Variants in GTPBP1 observed in about 807,000 individuals in gnomAD.
GTPBP1 encodes the protein GTP binding protein 1.
Under a neutral mutation model 62.0 loss-of-function variants are expected in GTPBP1, and 23 were observed. The observed-to-expected ratio is 0.37, with a 90% CI of 0.27 to 0.53. The LOEUF (loss-of-function observed/expected upper bound fraction) is 0.53. Among genes scored for constraint, GTPBP1 ranks in the 20% least tolerant of loss-of-function variants. The probability of loss-of-function intolerance (pLI) is 0.89; values close to 1 mark genes in which losing one functional copy is unlikely to be tolerated. For synonymous variants in GTPBP1, 344 were observed against 364.4 expected (o/e 0.94, Z 0.64); for missense variants, 640 against 917.3 (o/e 0.70, Z 3.90).
downstream of GTPBP1, chr22:38,740,014 G>C: frequency 6.6e-7 from 1 of 1,520,486 alleles, no homozygotes; most frequent in Non-Finnish European, 9.0e-7. The surrounding 1 kb of genome is among the most constrained non-coding windows in gnomAD (Gnocchi z 4.8). Flanking sequence ...GACAGGGCTA[G>C]TGCTTAGCTG....
In GTPBP1 at chr22:38,730,738, G is replaced by T. The variant is rs767636076; in HGVS notation, c.*34G>T. 12 of 1,221,494 alleles carry T rather than the reference G, an allele frequency of 9.8e-6. No individual in the cohort carries two copies. The highest frequency in any genetic ancestry group is 5.4e-5 in the South Asian group (4 of 73,724). The allele number at this position is 1,221,494 out of a possible 1,614,324, so 75.7% of individuals were successfully genotyped here. ...CTGGCCCACCCTCACCACCCAAGGG[G>T]TCATCATCTCTGGCCACCACTCCAC... is the stretch of plus-strand genomic sequence containing the variant. On this transcript the variant is annotated 3_prime_UTR_variant, in exon 12 of 12. Coordinates refer to ENST00000216044, the MANE Select transcript of GTPBP1 (RefSeq NM_004286.5). The surrounding 1 kb of genome is among the most constrained non-coding windows in gnomAD (Gnocchi z 5.6).
downstream of GTPBP1, chr22:38,739,978 C>A (rs761761956): frequency 1.9e-6 from 3 of 1,594,690 alleles, no homozygotes; most frequent in Non-Finnish European, 2.6e-6. The surrounding 1 kb of genome is among the most constrained non-coding windows in gnomAD (Gnocchi z 6.7). Context: ...CCCTGGGGGG[C>A]TTGCAGGGAC....
chr22:38,718,498 G>A (rs1892396356), intron 4 of GTPBP1, among the ~76,000 whole-genome samples: 1 of 152,152 alleles, frequency 6.6e-6, no homozygotes, highest in African/African-American at 2.4e-5. Flanking sequence ...CAGCCGTAGA[G>A]CACTCTCTTC....
chr22:38,708,049 G>T (rs1319475757), intron 1 of GTPBP1, among the ~76,000 whole-genome samples: 1 of 152,218 alleles, frequency 6.6e-6, no homozygotes, highest in Non-Finnish European at 1.5e-5. Flanking sequence ...CATTTATTGA[G>T]CTGTGGACTA....
At chr22:38,740,152 C>T (rs1294941952), downstream of GTPBP1, 14 of 1,371,352 alleles carry the variant, frequency 1.0e-5, no homozygotes, top group Non-Finnish European at 1.4e-5. The surrounding 1 kb of genome is among the most constrained non-coding windows in gnomAD (Gnocchi z 4.8). Flanking sequence ...ACGCCACAGT[C>T]TCTTGGGCAT....
Position 38,727,228 on chromosome 22 carries a change from A to G in GTPBP1, c.1417A>G (p.Ile473Val), listed in dbSNP as rs2092731485. Residue 473 changes from isoleucine (I) to valine (V), a missense_variant, in exon 9 of 12, where the codon ATC becomes GTC. Ile to Val is a conservative substitution (Grantham distance 29, BLOSUM62 3). Transcript: ENST00000216044. The surrounding 1 kb of genome is among the most constrained non-coding windows in gnomAD (Gnocchi z 6.5). ...TTTCTTTCAGATCAAGCGCTCGTCCATCCGGAAGGGCATGGTGATGGTTTC... is the reference window on the plus strand; with the variant it reads ...TTTCTTTCAGATCAAGCGCTCGTCCGTCCGGAAGGGCATGGTGATGGTTTC... ...FALKKIKRSS[I>V]RKGMVMVSPR... The G allele has an allele frequency of 1.3e-6, 2 of 1,593,956 alleles. No individual in the cohort carries two copies. Among genetic ancestry groups the G allele is most frequent in the East Asian group, 2.4e-5 (1 of 42,542 alleles).
rs376086055 is a variant in GTPBP1 at position 38,724,353 on chromosome 22, G to A, written c.1015G>A (p.Val339Met). ...GTCACCAGGCTGCCGGAAGATCCCC[G>A]TGCTGGTGCAGAGCAAAGATGATGT... ...LKSPGCRKIP[V>M]LVQSKDDVIV... Residue 339 changes from valine (V) to methionine (M), a missense_variant, in exon 6 of 12, where the codon GTG becomes ATG. Around this residue, in one of 4 missense-constraint regions of GTPBP1, gnomAD observed 220 missense variants for 358.1 expected, o/e 0.61. Coordinates refer to ENST00000216044, the MANE Select transcript of GTPBP1 (RefSeq NM_004286.5). The A allele has an allele frequency of 3.0e-5, 49 of 1,613,610 alleles. No individual in the cohort carries two copies. Among genetic ancestry groups the A allele is most frequent in the Admixed American group, 1.8e-4 (11 of 59,990 alleles).
At chr22:38,738,367 G>T, downstream of GTPBP1, 1 of 1,183,424 alleles carries the variant, frequency 8.5e-7, no homozygotes, top group Non-Finnish European at 1.2e-6. The surrounding 1 kb of genome is among the most constrained non-coding windows in gnomAD (Gnocchi z 6.6). Flanking sequence ...AGGCACCAGA[G>T]TGGCCTATGA....
chr22:38,723,186 G>A (rs1339855478), intron 5 of GTPBP1: 9 of 897,036 alleles, frequency 1.0e-5, no homozygotes, highest in African/African-American at 4.9e-5. Context: ...GTAGGACCAC[G>A]AAGGTGAAAT....
chr22:38,738,455 C>A (rs1395996238), downstream of GTPBP1: 5 of 1,306,630 alleles, frequency 3.8e-6, no homozygotes, highest in Admixed American at 1.0e-4. This position sits in a 1 kb window ranked among gnomAD's most constrained non-coding sequence, Gnocchi z 6.6. Flanking sequence ...CTGTCTCCCA[C>A]CCTAGCTCCT....
intron 5 of GTPBP1, chr22:38,723,188 A>G: frequency 1.1e-6 from 1 of 925,462 alleles, no homozygotes; most frequent in Non-Finnish European, 1.8e-6. Context: ...AGGACCACGA[A>G]GGTGAAATCC....
intron 6 of GTPBP1, chr22:38,725,061 C>G (rs1396496659): frequency 6.6e-6 from 1 of 152,532 alleles, no homozygotes; most frequent in Non-Finnish European, 1.5e-5. Context: ...TTGCCCAGAG[C>G]TTGGTCTATA....
intron 5 of GTPBP1, chr22:38,723,262 C>T: frequency 1.0e-6 from 1 of 994,796 alleles, no homozygotes; most frequent in Non-Finnish European, 1.6e-6. Context: ...GGTCTTTGAA[C>T]TCTCCATTGA....
chr22:38,741,075 C>A, downstream of GTPBP1: 1 of 1,585,718 alleles, frequency 6.3e-7, no homozygotes, highest in Non-Finnish European at 8.6e-7. Context: ...GGGACAAATA[C>A]AAGAAATACT....
chr22:38,742,530 A>G (rs757445240), downstream of GTPBP1: 2 of 1,612,828 alleles, frequency 1.2e-6, no homozygotes, highest in South Asian at 1.1e-5. Flanking sequence ...CAGAGAGTGT[A>G]CCCGGGACAT....
At chr22:38,724,456 C>A (rs2092716666) in intron 6 of GTPBP1, 45 bp downstream of exon 6, 1 of 1,128,188 alleles carries the variant, frequency 8.9e-7, no homozygotes, top group Non-Finnish European at 1.4e-6. Flanking sequence ...CCCTTGCAGG[C>A]AGGACCACAG....
At chr22:38,723,928 T>C (rs2092713843) in intron 5 of GTPBP1, among the ~76,000 whole-genome samples, 1 of 152,126 alleles carries the variant, frequency 6.6e-6, no homozygotes, top group South Asian at 2.1e-4. Context: ...AGAGATCCTT[T>C]TTGTTGGATG....
In GTPBP1 at chr22:38,729,443, C is replaced by G. The variant is rs951052486; in HGVS notation, c.1717-19C>G. The G allele has an allele frequency of 6.4e-7, 1 of 1,573,070 alleles. No individual in the cohort carries two copies. Among genetic ancestry groups the G allele is most frequent in the Non-Finnish European group, 8.6e-7 (1 of 1,158,222 alleles). ...TGCCCCGCAGCTCCAGCCTCAGCCT[C>G]TCTCCATGGCTCCCACAGCTCCTCC... is the stretch of plus-strand genomic sequence containing the variant. On this transcript the variant is annotated intron_variant, in intron 10 of 11. Coordinates refer to ENST00000216044, the MANE Select transcript of GTPBP1 (RefSeq NM_004286.5).
chr22:38,712,238 G>C (rs2092644346), intron 2 of GTPBP1, among the ~76,000 whole-genome samples: 1 of 152,142 alleles, frequency 6.6e-6, no homozygotes, highest in South Asian at 2.1e-4. Context: ...CCCTTTAATT[G>C]ATTCTAAAGG....
Sources: allele counts gnomAD v4.1 joint callset (sites outside exome capture counted in the v4.1 genomes callset), GRCh38; gene constraint gnomAD v4.1.1; regional missense constraint gnomAD v4.1.1; non-coding constraint Gnocchi (gnomAD v3.1); transcripts MANE v1.5; gene names NCBI Gene and HGNC (gene_info 2026-07-23, HGNC 2026-07-21).